DDX31: variants seen among roughly 807,000 people sequenced by gnomAD.
The protein encoded by DDX31 is ATP-dependent DNA helicase DDX31.
DDX31 carries 70 observed loss-of-function variants against 91.3 expected under a neutral mutation model. The observed-to-expected ratio is 0.77, with a 90% CI of 0.63 to 0.94. The LOEUF is 0.94. Among genes scored for constraint, DDX31 ranks in the 40% least tolerant of loss-of-function variants. The pLI, the probability that DDX31 is intolerant of heterozygous loss-of-function variation, is 0.00. For missense variants in DDX31, 902 were observed against 925.0 expected, an observed-to-expected ratio of 0.98 and a Z score of 0.32; for synonymous variants, 362 against 350.6, an observed-to-expected ratio of 1.03 and a Z score of -0.36.
intron 1 of DDX31, among the ~76,000 whole-genome samples, chr9:132,663,651 T>C (rs1482176982): frequency 1.3e-5 from 2 of 152,222 alleles, no homozygotes; most frequent in Non-Finnish European, 2.9e-5. Flanking sequence ...GTTATTTTCC[T>C]CTTTGCTTGA....
chr9:132,638,686 G>T (rs887672589), intron 14 of DDX31, among the ~76,000 whole-genome samples: 6 of 152,156 alleles, frequency 3.9e-5, no homozygotes, highest in African/African-American at 1.2e-4. Context: ...ATCAGGACTT[G>T]CGAGCTGCAT....
At chr9:132,623,951 G>A (rs1034431887) in intron 17 of DDX31, among the ~76,000 whole-genome samples, 1 of 151,948 alleles carries the variant, frequency 6.6e-6, no homozygotes, top group East Asian at 1.9e-4. Context: ...TGAATCATGG[G>A]GTCAGGAGTT....
chr9:132,669,657 C>T (rs764742544), intron 1 of DDX31: 4 of 1,532,400 alleles, frequency 2.6e-6, no homozygotes, highest in Non-Finnish European at 3.5e-6. Flanking sequence ...CTCCACTCCC[C>T]GCTTCCAGGC....
chr9:132,646,216 C>CAA (rs1833832067), intron 12 of DDX31, 145 bp from the exon 13 acceptor site: 3 of 842,696 alleles, frequency 3.6e-6, no homozygotes. Context: ...AAAACAAAAA[C>CAA]AAAAACAGTG....
intron 18 of DDX31, among the ~76,000 whole-genome samples, chr9:132,616,236 G>A (rs1043093837): frequency 3.9e-5 from 6 of 152,186 alleles, no homozygotes; most frequent in African/African-American, 1.4e-4. Context: ...TATCAATCTG[G>A]TGTGGAAATT....
intron 17 of DDX31, among the ~76,000 whole-genome samples, chr9:132,619,861 C>T (rs1003754052): frequency 2.7e-5 from 4 of 150,686 alleles, no homozygotes; most frequent in Admixed American, 2.6e-4. Context: ...CTCAGCAGCG[C>T]AACTGTCACC....
intron 16 of DDX31, among the ~76,000 whole-genome samples, chr9:132,626,260 C>T (rs2130625292): frequency 6.6e-6 from 1 of 152,326 alleles, no homozygotes; most frequent in South Asian, 2.1e-4. Flanking sequence ...TCTTCTTCTA[C>T]CCTGGAGGAG....
At position 132,659,794 on chromosome 9, in the gene DDX31, A is replaced by G; in HGVS notation, c.453-14T>C. On this transcript the variant is annotated splice_polypyrimidine_tract_variant and intron_variant, in intron 4 of 19. Coordinates refer to ENST00000372159, the MANE Select transcript of DDX31 (RefSeq NM_022779.9). Reference sequence around the variant, plus strand: ...TGCTTCTGAACACTGGGCCACCCGAAAAAAAGAACACACTTTACCTATATT... The same window carrying G: ...TGCTTCTGAACACTGGGCCACCCGAGAAAAAGAACACACTTTACCTATATT... 1.2e-6 allele frequency: 2 copies of G among 1,611,722 alleles called. No individual in the cohort carries two copies. The highest frequency in any genetic ancestry group is 1.3e-5 in the African/African-American group (1 of 74,950).
At chr9:132,657,790 C>T (rs1200090375) in intron 6 of DDX31, among the ~76,000 whole-genome samples, 1 of 152,196 alleles carries the variant, frequency 6.6e-6, no homozygotes, top group East Asian at 1.9e-4. Flanking sequence ...GAAGCCTCTG[C>T]CCACGGATCA....
chr9:132,616,061 G>A (rs1482151020), intron 18 of DDX31, among the ~76,000 whole-genome samples: 1 of 152,204 alleles, frequency 6.6e-6, no homozygotes, highest in Non-Finnish European at 1.5e-5. Flanking sequence ...TGCAGTGGCT[G>A]TTCCTATGCA....
Position 132,669,869 on chromosome 9 carries a change from C to T in DDX31, c.66G>A (p.Gln22=). ...PRTFSRRPPA[Q]ASRQAKATKR... ...CCGGGTCAGAACTCACCCGACTCGC[C>T]TGGGCTGGGGGACGTCTGGAGAACG... Residue 22 remains glutamine (Q), a synonymous_variant, in exon 1 of 20, where the codon CAG becomes CAA. Coordinates refer to ENST00000372159, the MANE Select transcript of DDX31 (RefSeq NM_022779.9). The T allele has an allele frequency of 6.3e-7, 1 of 1,589,638 alleles. No individual in the cohort carries two copies. The highest frequency in any genetic ancestry group is 2.3e-5 in the East Asian group (1 of 43,862).
chr9:132,614,236 G>A (rs1392210916), intron 18 of DDX31, among the ~76,000 whole-genome samples: 6 of 152,064 alleles, frequency 3.9e-5, no homozygotes, highest in Admixed American at 1.3e-4. Context: ...TTTCCCAATC[G>A]ATGAGCAATA....
At chr9:132,641,887 C>T in intron 14 of DDX31, 117 bp downstream of exon 14, 1 of 1,016,850 alleles carries the variant, frequency 9.8e-7, no homozygotes, top group Non-Finnish European at 1.5e-6. Context: ...CCAAGGGGCC[C>T]CTAGTGTTCC....
rs372841356 is a variant in DDX31, at chr9:132,662,822, C to G, written c.76-127G>C. 14 of 1,274,422 alleles carry G rather than the reference C, an allele frequency of 1.1e-5. No individual in the cohort carries two copies. In the African/African-American group the frequency reaches 1.9e-4, roughly 18 times the overall value. 78.9% of individuals were successfully genotyped at this position (1,274,422 alleles called of 1,614,324 possible). ...GCAGAGATCATTATGCCCCATATGT[C>G]AAGCAACAGTTTAGGGTTTGCAATC... On this transcript the variant is annotated intron_variant, in intron 1 of 19. Transcript: ENST00000372159.
chr9:132,650,216 C>T lies in DDX31; in HGVS notation c.740+18G>A, dbSNP rs746571340. The T allele has an allele frequency of 1.9e-6, 3 of 1,613,336 alleles. No homozygotes were observed. Among genetic ancestry groups the T allele is most frequent in the Non-Finnish European group, 2.5e-6 (3 of 1,179,318 alleles). On this transcript the variant is annotated intron_variant, in intron 9 of 19. Coordinates refer to ENST00000372159, the MANE Select transcript of DDX31 (RefSeq NM_022779.9). ...ACACATTCAAGAAGGAAACAACAACCAACAAACCTCTTCCTACCTGGCCTT... is the reference window on the plus strand; with the variant it reads ...ACACATTCAAGAAGGAAACAACAACTAACAAACCTCTTCCTACCTGGCCTT...
At position 132,669,899 on chromosome 9, in the gene DDX31, G is replaced by T; in HGVS notation, c.36C>A (p.Pro12=). The change falls in exon 1 of 20, where the codon CCC becomes CCA. Residue 12 remains proline, a synonymous_variant. Transcript: ENST00000372159. The part of the protein sequence containing the change: ...AAADGSLFDN[P]RTFSRRPPAQ... Reference sequence around the variant, plus strand: ...CTGGGGGACGTCTGGAGAACGTCCTGGGGTTGTCGAAGAGCGAACCGTCGG... The same window carrying T: ...CTGGGGGACGTCTGGAGAACGTCCTTGGGTTGTCGAAGAGCGAACCGTCGG... 4 of 1,597,320 alleles carry T rather than the reference G, an allele frequency of 2.5e-6. No homozygotes were observed. The highest frequency in any genetic ancestry group is 3.4e-6 in the Non-Finnish European group (4 of 1,172,908).
intron 19 of DDX31, among the ~76,000 whole-genome samples, chr9:132,601,051 T>G (rs948210061): frequency 6.6e-6 from 1 of 152,186 alleles, no homozygotes; most frequent in African/African-American, 2.4e-5. Flanking sequence ...GGAACTGTTA[T>G]GATTACACAC....
In DDX31 at chr9:132,659,700, T is replaced by C. The variant is rs1403645844; in HGVS notation, c.523+10A>G. 3.7e-6 allele frequency: 6 copies of C among 1,603,958 alleles called. No homozygotes were observed. The East Asian group carries it at 9.0e-5, about 24-fold the overall frequency. On this transcript the variant is annotated intron_variant, in intron 5 of 19. Coordinates refer to ENST00000372159, the MANE Select transcript of DDX31 (RefSeq NM_022779.9). Reference sequence around the variant, plus strand: ...CAGATGAAAAAGGGCAGAGATGAAATGAGACTAACCTGAGCCCGTCTGGGA... The same window carrying C: ...CAGATGAAAAAGGGCAGAGATGAAACGAGACTAACCTGAGCCCGTCTGGGA...
intron 19 of DDX31, among the ~76,000 whole-genome samples, chr9:132,605,286 G>C (rs1364735651): frequency 6.6e-6 from 1 of 152,150 alleles, no homozygotes; most frequent in South Asian, 2.1e-4. Flanking sequence ...ACAGGTGCTG[G>C]GCATTCGGGT....
Sources: gnomAD v4.1 joint callset for allele counts (sites outside exome capture counted in the v4.1 genomes callset) on GRCh38, gnomAD v4.1.1 for gene constraint, MANE v1.5 for transcripts, NCBI Gene and HGNC (gene_info 2026-07-23, HGNC 2026-07-21) for gene names.